Variants in ROBO2 observed in about 807,000 individuals in gnomAD.
ROBO2 encodes the protein roundabout guidance receptor 2.
Under a neutral mutation model 160.8 loss-of-function variants are expected in ROBO2, and 53 were observed. The observed-to-expected ratio is 0.33, with a 90% CI of 0.26 to 0.41. The LOEUF (loss-of-function observed/expected upper bound fraction) is 0.41. ROBO2 is among the 10% of genes least tolerant of loss of function. The pLI is 1.00. For synonymous variants in ROBO2, 664 were observed against 611.7 expected, an observed-to-expected ratio of 1.09 and a Z score of -1.26; for missense variants, 1,577 against 1,722.4, an observed-to-expected ratio of 0.92 and a Z score of 1.49.
At chr3:76,619,252 A>C (rs1425053008) in intron 2 of ROBO2, among the ~76,000 whole-genome samples, 2 of 150,926 alleles carry the variant, frequency 1.3e-5, no homozygotes, top group Non-Finnish European at 3.0e-5. Context: ...AGGCAGGAGA[A>C]TGGCGTGAAC....
At chr3:76,574,231 G>C (rs1224235996) in intron 2 of ROBO2, among the ~76,000 whole-genome samples, 1 of 152,000 alleles carries the variant, frequency 6.6e-6, no homozygotes, top group Admixed American at 6.6e-5. Context: ...GTGTGAATGA[G>C]TATAACAAAA....
chr3:77,081,775 G>C (rs772827368), intron 1 of ROBO2, among the ~76,000 whole-genome samples: 1 of 152,182 alleles, frequency 6.6e-6, no homozygotes, highest in Non-Finnish European at 1.5e-5. Context: ...TATAAATGGA[G>C]ATGTAGACAC....
chr3:77,292,146 A>G (rs1178585890), intron 2 of ROBO2, among the ~76,000 whole-genome samples: 1 of 151,656 alleles, frequency 6.6e-6, no homozygotes, highest in Non-Finnish European at 1.5e-5. Flanking sequence ...AGTAAAATTG[A>G]TGGTTAAACG....
At chr3:76,669,783 G>A (rs1224807201) in intron 2 of ROBO2, among the ~76,000 whole-genome samples, 4 of 152,032 alleles carry the variant, frequency 2.6e-5, no homozygotes, top group Non-Finnish European at 5.9e-5. Context: ...ATTGCTGCTC[G>A]CAATATTTAT....
chr3:77,406,612 C>T (rs2153516978), intron 2 of ROBO2, among the ~76,000 whole-genome samples: 1 of 152,208 alleles, frequency 6.6e-6, no homozygotes, highest in Non-Finnish European at 1.5e-5. Context: ...AAGCCTAATT[C>T]TGTCCTTGTT....
intron 2 of ROBO2, among the ~76,000 whole-genome samples, chr3:76,707,645 A>G (rs1287258492): frequency 6.6e-6 from 1 of 150,622 alleles, no homozygotes; most frequent in Non-Finnish European, 1.5e-5. Flanking sequence ...GACCCATGGG[A>G]TTTTCATTCT....
At chr3:76,588,836 G>A (rs2086229218) in intron 2 of ROBO2, among the ~76,000 whole-genome samples, 1 of 152,180 alleles carries the variant, frequency 6.6e-6, no homozygotes, top group Admixed American at 6.5e-5. Context: ...TGAATATGTA[G>A]TATCTTAGAA....
intron 2 of ROBO2, among the ~76,000 whole-genome samples, chr3:77,435,584 T>G (rs2079193612): frequency 6.6e-6 from 1 of 151,906 alleles, no homozygotes; most frequent in South Asian, 2.1e-4. Context: ...CAGATACTAA[T>G]TGTACCCCAA....
At chr3:77,497,233 A>G (rs2086906213) in intron 5 of ROBO2, among the ~76,000 whole-genome samples, 1 of 152,122 alleles carries the variant, frequency 6.6e-6, no homozygotes, top group African/African-American at 2.4e-5. Flanking sequence ...GCCAAGTACC[A>G]ATACTGTTTT....
At chr3:76,325,176 CATTTT>C (rs2107941565) in intron 2 of ROBO2, among the ~76,000 whole-genome samples, 1 of 152,312 alleles carries the variant, frequency 6.6e-6, no homozygotes, top group East Asian at 1.9e-4. Context: ...TTAAATGCAA[CATTTT>C]ATTTAACACT....
At chr3:76,276,894 G>T (rs1284108496) in intron 2 of ROBO2, among the ~76,000 whole-genome samples, 1 of 151,858 alleles carries the variant, frequency 6.6e-6, no homozygotes, top group Non-Finnish European at 1.5e-5. Flanking sequence ...TGGAATATTT[G>T]CATATACATA....
intron 2 of ROBO2, among the ~76,000 whole-genome samples, chr3:76,494,287 C>T (rs539181054): frequency 9.7e-4 from 148 of 152,144 alleles, no homozygotes; most frequent in African/African-American, 3.1e-3. Context: ...GCTGAGCCTG[C>T]GAATTAAACT....
chr3:76,421,417 TTC>T, intron 2 of ROBO2, among the ~76,000 whole-genome samples: 1 of 151,976 alleles, frequency 6.6e-6, no homozygotes, highest in East Asian at 1.9e-4. Context: ...TTTTTGATTA[TTC>T]ATTTCTTCTA....
chr3:76,300,188 G>A (rs905432120), intron 2 of ROBO2, among the ~76,000 whole-genome samples: 6 of 152,030 alleles, frequency 3.9e-5, no homozygotes, highest in Non-Finnish European at 8.8e-5. Flanking sequence ...GGTTGATTCA[G>A]GTTCTTGGCA....
intron 2 of ROBO2, among the ~76,000 whole-genome samples, chr3:76,261,206 A>AGTGTGTGTGTGTGAG (rs1440775745): frequency 7.3e-6 from 1 of 136,654 alleles, no homozygotes; most frequent in Non-Finnish European, 1.7e-5. Flanking sequence ...GTGTGTGTAT[A>AGTGTGTGTGTGTGAG]TATATATATA....
intron 2 of ROBO2, among the ~76,000 whole-genome samples, chr3:77,235,245 A>T (rs542474302): frequency 4.6e-5 from 7 of 152,334 alleles, no homozygotes; most frequent in Admixed American, 3.9e-4. Context: ...AAGGCTGAAC[A>T]GCATTCAATG....
intron 2 of ROBO2, among the ~76,000 whole-genome samples, chr3:76,299,751 A>G (rs527738794): frequency 6.6e-6 from 1 of 152,178 alleles, no homozygotes; most frequent in African/African-American, 2.4e-5. Context: ...AAGGAGTGAA[A>G]ACTGGTTAAA....
chr3:77,384,707 T>C (rs1360149462), intron 2 of ROBO2, among the ~76,000 whole-genome samples: 1 of 152,200 alleles, frequency 6.6e-6, no homozygotes, highest in African/African-American at 2.4e-5. Flanking sequence ...ATAGACCTTT[T>C]TAAAACTCAT....
chr3:76,215,720 A>G (rs1246638616), intron 2 of ROBO2, among the ~76,000 whole-genome samples: 1 of 152,226 alleles, frequency 6.6e-6, no homozygotes, highest in Admixed American at 6.5e-5. Flanking sequence ...AATGGAACCA[A>G]GTTGGAAAAC....
Sources: allele counts gnomAD v4.1 joint callset (sites outside exome capture counted in the v4.1 genomes callset), GRCh38; gene constraint gnomAD v4.1.1; transcripts MANE v1.5; gene names NCBI Gene and HGNC (gene_info 2026-07-23, HGNC 2026-07-21).